Variants in CDK5R1 observed in about 807,000 individuals in gnomAD.
CDK5R1 encodes the protein cyclin-dependent kinase 5 activator 1.
CDK5R1 carries 1 observed loss-of-function variant against 19.0 expected under a neutral mutation model. The ratio of observed to expected loss-of-function variants is 0.05; its 90% confidence interval spans 0.02 to 0.25. CDK5R1 has a LOEUF of 0.25. Among genes scored for constraint, CDK5R1 ranks in the 10% least tolerant of loss-of-function variants. The pLI is 1.00. For missense variants in CDK5R1, 314 were observed against 401.0 expected (o/e 0.78, Z 1.85); for synonymous variants, 225 against 187.7 (o/e 1.20, Z -1.62).
Position 32,489,070 on chromosome 17 carries a change from A to G in CDK5R1, c.*526A>G, listed in dbSNP as rs772514183. On this transcript the variant is annotated 3_prime_UTR_variant, in exon 2 of 2. Transcript: ENST00000313401. ...CTTCAATCTAGGCGAGGCGAAGCTGAGCGGGTCTAGTGGAAAGATTGTGTC... is the reference window on the plus strand; with the variant it reads ...CTTCAATCTAGGCGAGGCGAAGCTGGGCGGGTCTAGTGGAAAGATTGTGTC... 3 of 455,650 alleles carry G rather than the reference A, an allele frequency of 6.6e-6. No individual in the cohort carries two copies. Among genetic ancestry groups the G allele is most frequent in the Non-Finnish European group, 1.4e-5 (3 of 217,758 alleles). The allele number at this position is 455,650 out of a possible 1,614,324, so 28.2% of individuals were successfully genotyped here.
chr17:32,488,385 G>T lies in CDK5R1; in HGVS notation c.765G>T (p.Glu255Asp), dbSNP rs775959493. 3 of 1,614,046 alleles carry T rather than the reference G, an allele frequency of 1.9e-6. No homozygotes were observed. The highest frequency in any genetic ancestry group is 2.5e-6 in the Non-Finnish European group (3 of 1,180,020). ...LKPFLVESCK[E>D]AFWDRCLSVI... ...CCTTCCTGGTGGAGAGCTGCAAGGA[G>T]GCCTTTTGGGACCGTTGCCTCTCTG... Residue 255 changes from glutamate (E) to aspartate (D), a missense_variant, in exon 2 of 2, where the codon GAG (glutamate) becomes GAT (aspartate). Glu to Asp is a conservative substitution (Grantham distance 45). Transcript: ENST00000313401.
Position 32,489,535 on chromosome 17 carries a change from GTTAAT to G in CDK5R1, c.*996_*1000del. On this transcript the variant is annotated 3_prime_UTR_variant, in exon 2 of 2. Coordinates refer to ENST00000313401, the MANE Select transcript of CDK5R1 (RefSeq NM_003885.3). ...CGATGTGGTGACCCCACCCCCACCC[GTTAAT>G]TTAAAGCTGTTTCTAAACAGTTGAG... 5.7e-6 allele frequency: 1 copy of G among 174,064 alleles called. No homozygotes were observed. 10.8% of individuals were successfully genotyped at this position (174,064 alleles called of 1,614,324 possible).
chr17:32,488,460 C>T lies in CDK5R1; in HGVS notation c.840C>T (p.His280=), dbSNP rs373500082. ...SKMLQINADP[H]YFTQVFSDLK... ...TGCTGCAGATAAATGCCGACCCACA[C>T]TACTTCACACAGGTCTTCTCCGACC... Residue 280 remains histidine (H), a synonymous_variant, in exon 2 of 2, where the codon CAC becomes CAT. Coordinates refer to ENST00000313401, the MANE Select transcript of CDK5R1 (RefSeq NM_003885.3). 71 of 1,614,102 alleles carry T rather than the reference C, an allele frequency of 4.4e-5. No individual in the cohort carries two copies. The highest frequency in any genetic ancestry group is 1.7e-4 in the Admixed American group (10 of 60,010).
chr17:32,488,705 G>A lies in CDK5R1; in HGVS notation c.*161G>A, dbSNP rs1016090055. ...TTTTCATCCCTGCCAAGAACTCTGG[G>A]CACTTTTGAACTCACGAGCCTTGCG... On this transcript the variant is annotated 3_prime_UTR_variant, in exon 2 of 2. Transcript: ENST00000313401. 3.7e-5 allele frequency: 51 copies of A among 1,374,478 alleles called. No homozygotes were observed. Among genetic ancestry groups the A allele is most frequent in the Non-Finnish European group, 4.3e-5 (43 of 996,746 alleles). The allele number at this position is 1,374,478 out of a possible 1,614,324, so 85.1% of individuals were successfully genotyped here. A position where few individuals can be genotyped will look rare whatever the true frequency, so the allele number is the denominator to read the frequency against.
chr17:32,489,478 A>T lies in CDK5R1; in HGVS notation c.*934A>T. On this transcript the variant is annotated 3_prime_UTR_variant, in exon 2 of 2. Coordinates refer to ENST00000313401, the MANE Select transcript of CDK5R1 (RefSeq NM_003885.3). ...GGGCTAAGGCCTCTTGCTGGTGCAC[A>T]TGACATTTGTCCTGCAGAGCTGGGG... 2.8e-6 allele frequency: 1 copy of T among 360,458 alleles called. No homozygotes were observed. 22.3% of individuals were successfully genotyped at this position (360,458 alleles called of 1,614,324 possible). A position where few individuals can be genotyped will look rare whatever the true frequency, so the allele number is the denominator to read the frequency against.
Position 32,490,321 on chromosome 17 carries a change from G to A in CDK5R1, c.*1777G>A, listed in dbSNP as rs886766747. The A allele has an allele frequency of 6.0e-6, 1 of 167,282 alleles. No homozygotes were observed. The highest frequency in any genetic ancestry group is 1.5e-5 in the Non-Finnish European group (1 of 68,236). 10.4% of individuals were successfully genotyped at this position (167,282 alleles called of 1,614,324 possible). On this transcript the variant is annotated 3_prime_UTR_variant, in exon 2 of 2. Coordinates refer to ENST00000313401, the MANE Select transcript of CDK5R1 (RefSeq NM_003885.3). ...GGGAGGCCCCTGGTGGCATGGAAGA[G>A]GGAGGGTCAGTGCCAAGTCTCAGGA...
rs1567863220 is a variant in CDK5R1, at chr17:32,489,037, G to A, written c.*493G>A. On this transcript the variant is annotated 3_prime_UTR_variant, in exon 2 of 2. Transcript: ENST00000313401. ...TCGTGAGGCAAGATCCCCGCCACCC[G>A]GGGACATCTTCAATCTAGGCGAGGC... is the stretch of plus-strand genomic sequence containing the variant. The A allele has an allele frequency of 5.0e-6, 2 of 399,462 alleles. No homozygotes were observed. The highest frequency in any genetic ancestry group is 3.0e-5 in the Admixed American group (1 of 33,090). 24.7% of individuals were successfully genotyped at this position (399,462 alleles called of 1,614,324 possible). A position where few individuals can be genotyped will look rare whatever the true frequency, so the allele number is the denominator to read the frequency against.
In CDK5R1 at chr17:32,488,809, C is replaced by T. The variant is rs1908770462; in HGVS notation, c.*265C>T. 1 of 543,042 alleles carries T rather than the reference C, an allele frequency of 1.8e-6. No homozygotes were observed. The highest frequency in any genetic ancestry group is 3.2e-5 in the Admixed American group (1 of 31,500). The allele number at this position is 543,042 out of a possible 1,614,324, so 33.6% of individuals were successfully genotyped here. A position where few individuals can be genotyped will look rare whatever the true frequency, so the allele number is the denominator to read the frequency against. ...GGGAACTCAAAGGACTGACCTGCCC[C>T]TGCCGCCTGTGCCCTTGCTGGGTCC... On this transcript the variant is annotated 3_prime_UTR_variant, in exon 2 of 2. Coordinates refer to ENST00000313401, the MANE Select transcript of CDK5R1 (RefSeq NM_003885.3).
In CDK5R1 at chr17:32,489,836, C is replaced by T. The variant is rs1003217499; in HGVS notation, c.*1292C>T. On this transcript the variant is annotated 3_prime_UTR_variant, in exon 2 of 2. Coordinates refer to ENST00000313401, the MANE Select transcript of CDK5R1 (RefSeq NM_003885.3). Reference sequence around the variant, plus strand: ...GCAAGCCTTCCTCCATGGCCCATCACTCGGCTGTGGAGAACAAAGACCAAT... The same window carrying T: ...GCAAGCCTTCCTCCATGGCCCATCATTCGGCTGTGGAGAACAAAGACCAAT... 2.4e-5 allele frequency: 4 copies of T among 167,582 alleles called. No individual in the cohort carries two copies. Among genetic ancestry groups the T allele is most frequent in the Non-Finnish European group, 5.8e-5 (4 of 68,548 alleles). 10.4% of individuals were successfully genotyped at this position (167,582 alleles called of 1,614,324 possible).
chr17:32,489,231 G>A lies in CDK5R1; in HGVS notation c.*687G>A, dbSNP rs560864203. 3.4e-5 allele frequency: 16 copies of A among 471,158 alleles called. No individual in the cohort carries two copies. Among genetic ancestry groups the A allele is most frequent in the African/African-American group, 2.2e-4 (11 of 50,220 alleles). The allele number at this position is 471,158 out of a possible 1,614,324, so 29.2% of individuals were successfully genotyped here. A position where few individuals can be genotyped will look rare whatever the true frequency, so the allele number is the denominator to read the frequency against. On this transcript the variant is annotated 3_prime_UTR_variant, in exon 2 of 2. Coordinates refer to ENST00000313401, the MANE Select transcript of CDK5R1 (RefSeq NM_003885.3). ...CCCAGCCACGTTGGTGGTATTGGCC[G>A]ATGAGCTGGTTTGACTCATTAATTT...
Position 32,488,101 on chromosome 17 carries a change from C to G in CDK5R1, c.481C>G (p.Arg161Gly). 6.2e-7 allele frequency: 1 copy of G among 1,613,066 alleles called. No homozygotes were observed. The highest frequency in any genetic ancestry group is 8.5e-7 in the Non-Finnish European group (1 of 1,179,810). Reference protein sequence around the residue: ...LLRCLGEFLCRRCYRLKHLSP... With the variant: ...LLRCLGEFLCGRCYRLKHLSP... ...TCGCTGCCTGGGTGAGTTTCTCTGC[C>G]GCCGGTGCTACCGCCTGAAGCACCT... The change falls in exon 2 of 2, where the codon CGC becomes GGC. Residue 161 changes from arginine to glycine, a missense_variant. Coordinates refer to ENST00000313401, the MANE Select transcript of CDK5R1 (RefSeq NM_003885.3).
Position 32,488,269 on chromosome 17 carries a change from G to T in CDK5R1, c.649G>T (p.Gly217Cys). 1 of 1,614,084 alleles carries T rather than the reference G, an allele frequency of 6.2e-7. No individual in the cohort carries two copies. Among genetic ancestry groups the T allele is most frequent in the South Asian group, 1.1e-5 (1 of 91,080 alleles). The change falls in exon 2 of 2, where the codon GGC becomes TGC. Residue 217 changes from glycine (G) to cysteine (C), a missense_variant. Physicochemically the swap from Gly to Cys is radical, Grantham distance 159. This residue lies in a region of CDK5R1 where 106 missense variants were observed against 132.1 expected (regional missense o/e 0.80). Coordinates refer to ENST00000313401, the MANE Select transcript of CDK5R1 (RefSeq NM_003885.3). ...LCRDVISSEV[G>C]SDHELQAVLL... ...CAGGGATGTTATCTCCTCCGAGGTG[G>T]GCTCGGATCACGAGCTCCAGGCCGT... is the stretch of plus-strand genomic sequence containing the variant.
chr17:32,488,553 G>C lies in CDK5R1; in HGVS notation c.*9G>C, dbSNP rs748740472. 6.2e-7 allele frequency: 1 copy of C among 1,614,130 alleles called. No individual in the cohort carries two copies. Among genetic ancestry groups the C allele is most frequent in the Admixed American group, 1.7e-5 (1 of 60,030 alleles). On this transcript the variant is annotated 3_prime_UTR_variant, in exon 2 of 2. Transcript: ENST00000313401. ...TAGGCCTGGATCGGTGAGCACTGTAGCCTGCGTCATGGCTCAAGGATTCAA... is the reference window on the plus strand; with the variant it reads ...TAGGCCTGGATCGGTGAGCACTGTACCCTGCGTCATGGCTCAAGGATTCAA...
In CDK5R1 at chr17:32,488,553, G is replaced by A. The variant is rs748740472; in HGVS notation, c.*9G>A. 5.0e-6 allele frequency: 8 copies of A among 1,614,012 alleles called. No homozygotes were observed. Among genetic ancestry groups the A allele is most frequent in the Non-Finnish European group, 4.2e-6 (5 of 1,180,040 alleles). On this transcript the variant is annotated 3_prime_UTR_variant, in exon 2 of 2. Coordinates refer to ENST00000313401, the MANE Select transcript of CDK5R1 (RefSeq NM_003885.3). ...TAGGCCTGGATCGGTGAGCACTGTA[G>A]CCTGCGTCATGGCTCAAGGATTCAA...
In CDK5R1 at chr17:32,487,444, A is replaced by T. The variant is rs1908710507; in HGVS notation, c.-145-32A>T. ...GGCGCAGGGGCGCGGCGCGGAGCCC[A>T]GCCTGGCGCTAAGAACCATCTTGTT... On this transcript the variant is annotated intron_variant, in intron 1 of 1. Transcript: ENST00000313401. This position sits in a 1 kb window ranked among gnomAD's most constrained non-coding sequence, Gnocchi z 7.9. 4 of 519,636 alleles carry T rather than the reference A, an allele frequency of 7.7e-6. No homozygotes were observed. The highest frequency in any genetic ancestry group is 1.3e-5 in the Non-Finnish European group (4 of 299,166). 32.2% of individuals were successfully genotyped at this position (519,636 alleles called of 1,614,324 possible).
At position 32,490,182 on chromosome 17, in the gene CDK5R1, T is replaced by G. The variant is rs1908821108; in HGVS notation, c.*1638T>G. ...GTTCCTGGGACTGTCAGATAATCGG[T>G]GCAGCGGTGGAAGGAGCCTGCGGCT... On this transcript the variant is annotated 3_prime_UTR_variant, in exon 2 of 2. Coordinates refer to ENST00000313401, the MANE Select transcript of CDK5R1 (RefSeq NM_003885.3). 6.0e-6 allele frequency: 1 copy of G among 167,108 alleles called. No homozygotes were observed. The highest frequency in any genetic ancestry group is 2.4e-5 in the African/African-American group (1 of 41,438). 10.4% of individuals were successfully genotyped at this position (167,108 alleles called of 1,614,324 possible). A position where few individuals can be genotyped will look rare whatever the true frequency, so the allele number is the denominator to read the frequency against.
At position 32,490,318 on chromosome 17, in the gene CDK5R1, A is replaced by AG; in HGVS notation, c.*1775dup. 1.2e-5 allele frequency: 2 copies of AG among 167,366 alleles called. No homozygotes were observed. Among genetic ancestry groups the AG allele is most frequent in the Admixed American group, 1.3e-4 (2 of 15,314 alleles). The allele number at this position is 167,366 out of a possible 1,614,324, so 10.4% of individuals were successfully genotyped here. A position where few individuals can be genotyped will look rare whatever the true frequency, so the allele number is the denominator to read the frequency against. On this transcript the variant is annotated 3_prime_UTR_variant, in exon 2 of 2. Coordinates refer to ENST00000313401, the MANE Select transcript of CDK5R1 (RefSeq NM_003885.3). ...GGTGGGAGGCCCCTGGTGGCATGGA[A>AG]GAGGGAGGGTCAGTGCCAAGTCTCA...
Position 32,488,146 on chromosome 17 carries a change from C to A in CDK5R1, c.526C>A (p.Leu176Ile), listed in dbSNP as rs759967348. 6.2e-6 allele frequency: 10 copies of A among 1,613,564 alleles called. No individual in the cohort carries two copies. The African/African-American group carries it at 1.3e-4, about 22-fold the overall frequency. ...LKHLSPTDPV[L>I]WLRSVDRSLL... is the part of the protein sequence containing the mutation. ...GCACCTGTCCCCCACGGACCCCGTG[C>A]TCTGGCTGCGCAGCGTGGACCGCTC... is the stretch of plus-strand genomic sequence containing the variant. The change falls in exon 2 of 2, where the codon CTC becomes ATC. Residue 176 changes from leucine (L) to isoleucine (I), a missense_variant. Coordinates refer to ENST00000313401, the MANE Select transcript of CDK5R1 (RefSeq NM_003885.3).
chr17:32,488,630 A>G lies in CDK5R1; in HGVS notation c.*86A>G, dbSNP rs746988793. The G allele has an allele frequency of 5.1e-5, 80 of 1,574,594 alleles. 1 individual carries two copies. Among genetic ancestry groups the G allele is most frequent in the Non-Finnish European group, 6.0e-5 (70 of 1,161,050 alleles). On this transcript the variant is annotated 3_prime_UTR_variant, in exon 2 of 2. Transcript: ENST00000313401. Reference sequence around the variant, plus strand: ...TCAGTTTTGTGTACAGTATGTGTCTAGCAAAGCCACCAAGGGCCTCACCTT... The same window carrying G: ...TCAGTTTTGTGTACAGTATGTGTCTGGCAAAGCCACCAAGGGCCTCACCTT...
Sources: gnomAD v4.1 joint callset for allele counts on GRCh38, gnomAD v4.1.1 for gene constraint, gnomAD v4.1.1 regional missense constraint, Gnocchi (gnomAD v3.1) non-coding constraint, MANE v1.5 for transcripts, NCBI Gene and HGNC (gene_info 2026-07-23, HGNC 2026-07-21) for gene names.